ATRNL1: variants seen among roughly 807,000 people sequenced by gnomAD.
ATRNL1 encodes the protein attractin like 1.
Under a neutral mutation model 182.7 loss-of-function variants are expected in ATRNL1, and 95 were observed. The observed-to-expected ratio is 0.52, with a 90% CI of 0.44 to 0.62. ATRNL1 has a LOEUF of 0.62. ATRNL1 is among the 20% of genes least tolerant of loss of function. ATRNL1 has a pLI of 0.00. For synonymous variants in ATRNL1, 576 were observed against 568.3 expected (o/e 1.01, Z -0.19); for missense variants, 1,471 against 1,679.5 (o/e 0.88, Z 2.17).
At chr10:115,506,955 G>T (rs1554981487) in intron 24 of ATRNL1, among the ~76,000 whole-genome samples, 1 of 152,094 alleles carries the variant, frequency 6.6e-6, no homozygotes, top group South Asian at 2.1e-4. Context: ...ACAGCCTCAG[G>T]AAGTTTTGAT....
At chr10:115,557,376 A>T (rs1853374544) in intron 26 of ATRNL1, among the ~76,000 whole-genome samples, 1 of 152,124 alleles carries the variant, frequency 6.6e-6, no homozygotes. Context: ...AAGCCCTGAG[A>T]CATTCAAATT....
rs35436098 is a variant in ATRNL1 at position 115,719,861 on chromosome 10, C to CTT, written c.3796-7371_3796-7370dup. Among the ~76,000 whole-genome samples, 809 of 128,652 alleles carry CTT rather than the reference C, an allele frequency of 6.3e-3. 8 individuals carry two copies. The highest frequency in any genetic ancestry group is 0.016 in the African/African-American group (563 of 34,904). 84.4% of individuals were successfully genotyped at this position (128,652 alleles called of 152,430 possible). ...AATTCTATCCACCCCCCCACACACT[C>CTT]TTTTTTTTTTTTTTTTTGAGATGGA... is the stretch of plus-strand genomic sequence containing the variant. On this transcript the variant is annotated intron_variant, in intron 26 of 28. Coordinates refer to ENST00000355044, the MANE Select transcript of ATRNL1 (RefSeq NM_207303.4).
At chr10:115,446,711 G>C (rs982278406) in intron 21 of ATRNL1, among the ~76,000 whole-genome samples, 1 of 151,996 alleles carries the variant, frequency 6.6e-6, no homozygotes, top group African/African-American at 2.4e-5. Context: ...CCTGAAGTAT[G>C]AATGGTTTTG....
chr10:115,931,431 C>T (rs1426294685), intron 28 of ATRNL1, among the ~76,000 whole-genome samples: 1 of 152,116 alleles, frequency 6.6e-6, no homozygotes, highest in African/African-American at 2.4e-5. Context: ...ATTATGGGAA[C>T]TCATGTACCA....
At chr10:115,745,126 T>C (rs1948252492) in intron 27 of ATRNL1, among the ~76,000 whole-genome samples, 1 of 151,184 alleles carries the variant, frequency 6.6e-6, no homozygotes, top group Non-Finnish European at 1.5e-5. Context: ...ATCATGAAAA[T>C]GGAACTTTTT....
At chr10:115,298,936 C>T (rs1386465585) in intron 15 of ATRNL1, among the ~76,000 whole-genome samples, 1 of 151,964 alleles carries the variant, frequency 6.6e-6, no homozygotes, top group Non-Finnish European at 1.5e-5. Flanking sequence ...GTACTCTGCA[C>T]ACATTTCTAG....
intron 8 of ATRNL1, among the ~76,000 whole-genome samples, chr10:115,213,005 T>A (rs2144389908): frequency 6.6e-6 from 1 of 152,274 alleles, no homozygotes; most frequent in Admixed American, 6.6e-5. Flanking sequence ...TAATAAAAGT[T>A]AAAAATAGTT....
At chr10:115,171,972 T>C (rs2144098422) in intron 8 of ATRNL1, among the ~76,000 whole-genome samples, 1 of 152,230 alleles carries the variant, frequency 6.6e-6, no homozygotes, top group African/African-American at 2.4e-5. Context: ...AAAATAATTC[T>C]TTTCTGGCTC....
chr10:115,331,415 A>AT lies in ATRNL1; in HGVS notation c.3038-2861dup, dbSNP rs1169909202. Among the ~76,000 whole-genome samples the AT allele has an allele frequency of 2.6e-5, 4 of 151,986 alleles. No individual in the cohort carries two copies. In the South Asian group the frequency reaches 6.2e-4, roughly 24 times the overall value. The stretch of plus-strand genomic sequence containing the variant: ...TTTTTAGCTCCTGGATTACTGTTTG[A>AT]TTTTTTAAATTATTTCAATTTGTTT... On this transcript the variant is annotated intron_variant, in intron 18 of 28. Coordinates refer to ENST00000355044, the MANE Select transcript of ATRNL1 (RefSeq NM_207303.4).
chr10:115,191,006 A>G (rs1033388873), intron 8 of ATRNL1, among the ~76,000 whole-genome samples: 1 of 152,004 alleles, frequency 6.6e-6, no homozygotes. Flanking sequence ...TTCACTTAAC[A>G]TTGCCCTTCA....
At chr10:115,756,651 G>A (rs1379813149) in intron 27 of ATRNL1, among the ~76,000 whole-genome samples, 1 of 152,110 alleles carries the variant, frequency 6.6e-6, no homozygotes, top group Non-Finnish European at 1.5e-5. Context: ...GATTTGAGAT[G>A]GAGAGTTCTG....
intron 25 of ATRNL1, among the ~76,000 whole-genome samples, chr10:115,539,454 A>G (rs1554991323): frequency 2.0e-5 from 3 of 152,206 alleles, no homozygotes; most frequent in Non-Finnish European, 4.4e-5. Flanking sequence ...AGAGAAGAAC[A>G]CCAGAATTCA....
intron 20 of ATRNL1, among the ~76,000 whole-genome samples, chr10:115,421,154 C>CA (rs1845633576): frequency 6.6e-6 from 1 of 152,006 alleles, no homozygotes; most frequent in South Asian, 2.1e-4. Context: ...CAAACTATTC[C>CA]AAAAAATTGA....
chr10:115,874,831 G>A (rs187206282), intron 28 of ATRNL1, among the ~76,000 whole-genome samples: 2 of 152,176 alleles, frequency 1.3e-5, no homozygotes, highest in Non-Finnish European at 2.9e-5. Flanking sequence ...TGCCAGGAAG[G>A]CCCTTACTTC....
At chr10:115,553,985 T>C (rs1853160086) in intron 26 of ATRNL1, among the ~76,000 whole-genome samples, 1 of 151,476 alleles carries the variant, frequency 6.6e-6, no homozygotes, top group Non-Finnish European at 1.5e-5. Context: ...ATAAAAACAT[T>C]AAGGAAAATG....
chr10:115,791,101 T>C (rs1949520997), intron 27 of ATRNL1, among the ~76,000 whole-genome samples: 1 of 152,202 alleles, frequency 6.6e-6, no homozygotes, highest in Non-Finnish European at 1.5e-5. Context: ...TATCCTTCTC[T>C]TTTTTGCTGA....
chr10:115,768,550 T>C (rs1426351183), intron 27 of ATRNL1, among the ~76,000 whole-genome samples: 1 of 152,168 alleles, frequency 6.6e-6, no homozygotes, highest in Non-Finnish European at 1.5e-5. Flanking sequence ...ATCGTTCTAC[T>C]GACTGTTTTC....
Position 115,442,947 on chromosome 10 carries a change from T to C in ATRNL1, c.3322+16645T>C, listed in dbSNP as rs528532602. ...ATGCTCCTTAGCAGTCTATTTATCA[T>C]GTATAGTTACATCTTCTTTTATGAC... is the stretch of plus-strand genomic sequence containing the variant. On this transcript the variant is annotated intron_variant, in intron 21 of 28. Transcript: ENST00000355044. 3.2e-4 allele frequency among the ~76,000 whole-genome samples: 48 copies of C among 152,218 alleles called. 1 individual carries two copies. In the South Asian group the frequency reaches 9.5e-3, roughly 30 times the overall value.
intron 10 of ATRNL1, among the ~76,000 whole-genome samples, chr10:115,264,878 G>A (rs1392848465): frequency 1.3e-5 from 2 of 151,410 alleles, no homozygotes; most frequent in African/African-American, 4.8e-5. Flanking sequence ...GTTTTACTTG[G>A]AATATTTAAT....
Sources: gnomAD v4.1 joint callset for allele counts (sites outside exome capture counted in the v4.1 genomes callset) on GRCh38, gnomAD v4.1.1 for gene constraint, MANE v1.5 for transcripts, NCBI Gene and HGNC (gene_info 2026-07-23, HGNC 2026-07-21) for gene names.